The following APBB1IP variants were observed in gnomAD, a reference collection of about 807,000 sequenced individuals.
APBB1IP encodes the protein amyloid beta precursor protein binding family B member 1 interacting protein, also known as amyloid beta A4 precursor protein-binding family B member 1-interacting protein.
APBB1IP carries 27 observed loss-of-function variants against 64.9 expected under a neutral mutation model. That is an observed-to-expected ratio of 0.42 (90% confidence interval 0.31 to 0.57). The LOEUF (loss-of-function observed/expected upper bound fraction) is 0.57. APBB1IP is among the 20% of genes least tolerant of loss of function. APBB1IP has a pLI of 0.20. For synonymous variants in APBB1IP, 392 were observed against 331.0 expected, an observed-to-expected ratio of 1.18 and a Z score of -2.00; for missense variants, 812 against 845.5, an observed-to-expected ratio of 0.96 and a Z score of 0.49.
At chr10:26,505,810 G>A (rs2132441258) in intron 6 of APBB1IP, among the ~76,000 whole-genome samples, 1 of 151,540 alleles carries the variant, frequency 6.6e-6, no homozygotes, top group African/African-American at 2.4e-5. Context: ...TTTCTGCCGA[G>A]GGCCAGACTC....
At chr10:26,507,358 G>T (rs899509507) in intron 6 of APBB1IP, among the ~76,000 whole-genome samples, 1 of 152,130 alleles carries the variant, frequency 6.6e-6, no homozygotes, top group Non-Finnish European at 1.5e-5. Flanking sequence ...AGTTAGCTGG[G>T]CATGGCGGTT....
At chr10:26,440,062 T>G (rs1315478793) in intron 2 of APBB1IP, among the ~76,000 whole-genome samples, 2 of 152,206 alleles carry the variant, frequency 1.3e-5, no homozygotes, top group East Asian at 3.8e-4. Context: ...TCTAAGAAAT[T>G]TAACTTCATC....
At chr10:26,444,770 G>A (rs183208243) in intron 2 of APBB1IP, among the ~76,000 whole-genome samples, 6 of 152,248 alleles carry the variant, frequency 3.9e-5, no homozygotes, top group Admixed American at 2.0e-4. Context: ...ACAGGTAAGG[G>A]AGTTTAGGAA....
At chr10:26,560,635 G>T in intron 12 of APBB1IP, 95 bp from the exon 13 acceptor site, 1 of 784,406 alleles carries the variant, frequency 1.3e-6, no homozygotes, top group East Asian at 2.6e-5. Flanking sequence ...AGTAGCCGTG[G>T]AGTATTTATT....
intron 11 of APBB1IP, 174 bp downstream of exon 11, chr10:26,541,866 C>A (rs1407533691): frequency 8.1e-6 from 4 of 495,582 alleles, no homozygotes; most frequent in Non-Finnish European, 1.0e-5. Context: ...CCCAAAGCCT[C>A]CTATCTGAAC....
At chr10:26,554,583 G>A (rs1453854663) in intron 11 of APBB1IP, among the ~76,000 whole-genome samples, 1 of 151,912 alleles carries the variant, frequency 6.6e-6, no homozygotes, top group Non-Finnish European at 1.5e-5. Flanking sequence ...TGTCGGTTTT[G>A]GTGTTTTTTG....
At chr10:26,528,502 C>T (rs1009681769) in intron 8 of APBB1IP, among the ~76,000 whole-genome samples, 1 of 152,138 alleles carries the variant, frequency 6.6e-6, no homozygotes, top group African/African-American at 2.4e-5. Flanking sequence ...TTCTTCCTTC[C>T]TGAAAATCTC....
chr10:26,532,051 G>C (rs1421820322), intron 8 of APBB1IP, among the ~76,000 whole-genome samples: 1 of 152,182 alleles, frequency 6.6e-6, no homozygotes, highest in Non-Finnish European at 1.5e-5. Flanking sequence ...AGAGATTCCA[G>C]TGTAGCCCAG....
At chr10:26,559,077 G>C (rs920194306) in intron 11 of APBB1IP, among the ~76,000 whole-genome samples, 5 of 152,122 alleles carry the variant, frequency 3.3e-5, no homozygotes, top group African/African-American at 1.2e-4. Context: ...CTAGAACCAG[G>C]TTTTGGGAGT....
intron 11 of APBB1IP, among the ~76,000 whole-genome samples, chr10:26,542,766 C>CTT (rs34900901): frequency 5.7e-4 from 85 of 147,866 alleles, no homozygotes; most frequent in Admixed American, 3.5e-3. Flanking sequence ...ATGTCCTAGC[C>CTT]TTTTTTTTTT....
At chr10:26,533,170 T>C (rs1012024429) in intron 8 of APBB1IP, among the ~76,000 whole-genome samples, 3 of 152,238 alleles carry the variant, frequency 2.0e-5, no homozygotes, top group Non-Finnish European at 4.4e-5. Flanking sequence ...ACTTCAACAA[T>C]TAAATGATGT....
intron 2 of APBB1IP, among the ~76,000 whole-genome samples, chr10:26,445,985 A>C (rs1352930720): frequency 6.6e-6 from 1 of 152,232 alleles, no homozygotes; most frequent in Non-Finnish European, 1.5e-5. Context: ...AAAGGTATTC[A>C]TTACCACCTA....
At chr10:26,541,167 A>C (rs1836691698) in intron 10 of APBB1IP, among the ~76,000 whole-genome samples, 1 of 152,112 alleles carries the variant, frequency 6.6e-6, no homozygotes, top group Non-Finnish European at 1.5e-5. Flanking sequence ...CACTCTTTTT[A>C]AAAAATTAAT....
intron 4 of APBB1IP, among the ~76,000 whole-genome samples, chr10:26,499,854 A>G (rs1284193479): frequency 6.6e-6 from 1 of 152,128 alleles, no homozygotes; most frequent in Non-Finnish European, 1.5e-5. Flanking sequence ...AGTTTCTACC[A>G]TTTAATCCCA....
intron 2 of APBB1IP, among the ~76,000 whole-genome samples, chr10:26,450,621 C>T (rs949619628): frequency 4.6e-5 from 7 of 151,840 alleles, no homozygotes; most frequent in Admixed American, 2.6e-4. Context: ...TGGAACACTC[C>T]ACTATGGCTG....
intron 11 of APBB1IP, 45 bp downstream of exon 11, chr10:26,541,737 G>T: frequency 2.1e-6 from 3 of 1,400,792 alleles, no homozygotes; most frequent in Non-Finnish European, 2.0e-6. Context: ...AGCAATTTGA[G>T]TTAATTTTTT....
intron 2 of APBB1IP, among the ~76,000 whole-genome samples, chr10:26,487,087 T>C (rs945177583): frequency 6.6e-6 from 1 of 150,584 alleles, no homozygotes; most frequent in Non-Finnish European, 1.5e-5. Context: ...CTCCACCCAG[T>C]CACGATGTGA....
chr10:26,489,073 C>T (rs1195700741), intron 2 of APBB1IP, among the ~76,000 whole-genome samples: 2 of 152,198 alleles, frequency 1.3e-5, no homozygotes, highest in East Asian at 1.9e-4. Flanking sequence ...TTCCCATGCT[C>T]CTGCAAGACA....
At chr10:26,556,355 G>A (rs757213776) in intron 11 of APBB1IP, among the ~76,000 whole-genome samples, 5 of 152,202 alleles carry the variant, frequency 3.3e-5, no homozygotes, top group Non-Finnish European at 7.3e-5. Flanking sequence ...CATCACCAAG[G>A]GAGCCAGAAA....
Sources: allele counts gnomAD v4.1 joint callset (sites outside exome capture counted in the v4.1 genomes callset), GRCh38; gene constraint gnomAD v4.1.1; transcripts MANE v1.5; gene names NCBI Gene and HGNC (gene_info 2026-07-23, HGNC 2026-07-21).